Variants in TUBGCP6 observed in about 807,000 individuals in gnomAD.
TUBGCP6 encodes the protein gamma-tubulin complex component 6.
In TUBGCP6, 161 loss-of-function variants were observed where a neutral mutation model predicts 175.8. That is an observed-to-expected ratio of 0.92 (90% confidence interval 0.81 to 1.04). TUBGCP6 has a LOEUF of 1.04. Among genes scored for constraint, TUBGCP6 ranks in the 50% least tolerant of loss-of-function variants. TUBGCP6 has a pLI of 0.00. For synonymous variants in TUBGCP6, 1,173 were observed against 1,030.5 expected, an observed-to-expected ratio of 1.14 and a Z score of -2.65; for missense variants, 2,572 against 2,433.0, an observed-to-expected ratio of 1.06 and a Z score of -1.20.
rs1291888721 is a variant in TUBGCP6, at chr22:50,219,352, G to A, written c.4420C>T (p.Leu1474=). 1 of 1,592,830 alleles carries A rather than the reference G, an allele frequency of 6.3e-7. No individual in the cohort carries two copies. The highest frequency in any genetic ancestry group is 1.3e-5 in the African/African-American group (1 of 74,942). ...QSAADETAVQ[L]SELLTLPVLM... is the part of the protein sequence containing the mutation. ...ACGGGCAGCGTCAGCAACTCGCTCA[G>A]CTGCACAGCAGTCTCATCAGCGGCA... The change falls in exon 19 of 25, where the codon CTG becomes TTG. Residue 1474 remains leucine (L), a synonymous_variant. Coordinates refer to ENST00000248846, the MANE Select transcript of TUBGCP6 (RefSeq NM_020461.4).
chr22:50,244,354 T>TCC lies in TUBGCP6; in HGVS notation c.104_105dup (p.Ser36GlyfsTer43), dbSNP rs2064890735. The TCC allele has an allele frequency of 6.2e-7, 1 of 1,613,380 alleles. No individual in the cohort carries two copies. The highest frequency in any genetic ancestry group is 1.7e-5 in the Admixed American group (1 of 60,014). On this transcript the variant is annotated frameshift_variant, in exon 1 of 25. Transcript: ENST00000248846. LOFTEE classifies it high-confidence loss of function. ...GCATTGTAGGCCACCTTCTTGAGGC[T>TCC]CCGCTTTGCCCTCTTCCGGTTCACA...
At chr22:50,232,925 C>T (rs2064712381) in intron 3 of TUBGCP6, among the ~76,000 whole-genome samples, 2 of 152,198 alleles carry the variant, frequency 1.3e-5, no homozygotes, top group Non-Finnish European at 2.9e-5. Context: ...CGGATGACAC[C>T]GCATCCAGTG....
rs1485811676 is a variant in TUBGCP6 at position 50,218,494 on chromosome 22, G to T, written c.4948C>A (p.Arg1650Ser). The change falls in exon 22 of 25, where the codon CGC (arginine) becomes AGC (serine). Residue 1650 changes from arginine (R) to serine (S), a missense_variant. Coordinates refer to ENST00000248846, the MANE Select transcript of TUBGCP6 (RefSeq NM_020461.4). ...ALKDVCFHLK[R>S]TALLSHMAGS... ...GGCTCCAGCGGGGCCTCACCTGTGC[G>T]CTTGAGGTGGAAGCAGACGTCCTTG... is the stretch of plus-strand genomic sequence containing the variant. 2.5e-6 allele frequency: 4 copies of T among 1,613,570 alleles called. No individual in the cohort carries two copies. The highest frequency in any genetic ancestry group is 2.5e-6 in the Non-Finnish European group (3 of 1,179,966).
chr22:50,241,142 C>T (rs753301578), intron 1 of TUBGCP6, among the ~76,000 whole-genome samples: 2 of 152,142 alleles, frequency 1.3e-5, no homozygotes, highest in South Asian at 4.1e-4. Flanking sequence ...CTCTTTATTC[C>T]AAGATTATAA....
chr22:50,221,555 C>A lies in TUBGCP6; in HGVS notation c.2804G>T (p.Gly935Val). The part of the protein sequence containing the change: ...INLDLPPSAP[G>V]EAPAAASTQP... ...AGTGCTGGCTGCTGCGGGTGCCTCC[C>A]CAGGAGCTGAGGGGGGCAGGTCCAA... The change falls in exon 16 of 25, where the codon GGG becomes GTG. Residue 935 changes from glycine (G) to valine (V), a missense_variant. Coordinates refer to ENST00000248846, the MANE Select transcript of TUBGCP6 (RefSeq NM_020461.4). 6.3e-7 allele frequency: 1 copy of A among 1,587,938 alleles called. No homozygotes were observed. The highest frequency in any genetic ancestry group is 1.1e-5 in the South Asian group (1 of 88,868).
At position 50,217,830 on chromosome 22, in the gene TUBGCP6, G is replaced by A; in HGVS notation, c.5369-3C>T. 1.9e-6 allele frequency: 3 copies of A among 1,613,596 alleles called. No individual in the cohort carries two copies. Among genetic ancestry groups the A allele is most frequent in the Non-Finnish European group, 2.5e-6 (3 of 1,179,882 alleles). On this transcript the variant is annotated splice_region_variant and splice_polypyrimidine_tract_variant and intron_variant, in intron 24 of 24. Coordinates refer to ENST00000248846, the MANE Select transcript of TUBGCP6 (RefSeq NM_020461.4). ...GCGGTTCACCAGCTTGGTCACCACT[G>A]GGGACCAGCGAGCAGCTCAGGCTTT... is the stretch of plus-strand genomic sequence containing the variant.
intron 1 of TUBGCP6, among the ~76,000 whole-genome samples, chr22:50,241,302 G>A (rs551406707): frequency 9.2e-5 from 14 of 152,308 alleles, no homozygotes; most frequent in Middle Eastern, 6.8e-3. Context: ...TAGTCTAGTG[G>A]TAATGGCAGC....
At chr22:50,226,863 G>A in intron 6 of TUBGCP6, 21 bp from the exon 7 acceptor site, 2 of 1,566,434 alleles carry the variant, frequency 1.3e-6, no homozygotes, top group Non-Finnish European at 1.7e-6. Context: ...CAAAGGGGGT[G>A]GGGGGCAGCT....
chr22:50,220,066 G>A (rs771983248), intron 16 of TUBGCP6, 51 bp from the exon 17 acceptor site: 16 of 1,593,888 alleles, frequency 1.0e-5, no homozygotes, highest in Middle Eastern at 1.7e-4. Flanking sequence ...TGCCTGTGGC[G>A]GGTACAGAGC....
chr22:50,224,594 T>G lies in TUBGCP6; in HGVS notation c.1984-2A>C. ...TTTTGCAATTTCCATACGTAATTCC[T>G]GAGAAAGACAACTGGTAATCAAAGC... On this transcript the variant is annotated splice_acceptor_variant, in intron 10 of 24. Transcript: ENST00000248846. LOFTEE classifies it high-confidence loss of function. 4 of 1,613,654 alleles carry G rather than the reference T, an allele frequency of 2.5e-6. No individual in the cohort carries two copies. The highest frequency in any genetic ancestry group is 3.4e-6 in the Non-Finnish European group (4 of 1,179,942).
At chr22:50,234,790 T>C (rs879225487) in intron 2 of TUBGCP6, among the ~76,000 whole-genome samples, 424 of 48,786 alleles carry the variant, frequency 8.7e-3, no homozygotes, top group South Asian at 0.014. Context: ...AGCATCCACA[T>C]CCAGGTCCAC....
At chr22:50,226,260 C>G (rs1232835170) in intron 8 of TUBGCP6, 27 bp downstream of exon 8, 1 of 1,614,026 alleles carries the variant, frequency 6.2e-7, no homozygotes, top group East Asian at 2.2e-5. Context: ...GGCACGGACC[C>G]CTGCCCCGCA....
intron 1 of TUBGCP6, among the ~76,000 whole-genome samples, chr22:50,241,566 C>T (rs1314081341): frequency 6.6e-6 from 1 of 152,210 alleles, no homozygotes; most frequent in Non-Finnish European, 1.5e-5. Flanking sequence ...TTTCATGTTC[C>T]ATCCTGTACA....
chr22:50,226,517 G>A, intron 7 of TUBGCP6, 139 bp from the exon 8 acceptor site: 1 of 699,856 alleles, frequency 1.4e-6, no homozygotes, highest in South Asian at 1.7e-5. Flanking sequence ...GGAGTGGGGT[G>A]TGGCCATCCA....
rs1173598777 is a variant in TUBGCP6 at position 50,225,956 on chromosome 22, A to G, written c.1834-13T>C. ...AACAGAGGTAATGCTGCCAAAGGGGATGCAAGCACAGCCACCAGCACTCAG... is the reference window on the plus strand; with the variant it reads ...AACAGAGGTAATGCTGCCAAAGGGGGTGCAAGCACAGCCACCAGCACTCAG... On this transcript the variant is annotated splice_polypyrimidine_tract_variant and intron_variant, in intron 9 of 24. Coordinates refer to ENST00000248846, the MANE Select transcript of TUBGCP6 (RefSeq NM_020461.4). 6.2e-7 allele frequency: 1 copy of G among 1,613,218 alleles called. No individual in the cohort carries two copies. Among genetic ancestry groups the G allele is most frequent in the Non-Finnish European group, 8.5e-7 (1 of 1,179,602 alleles).
rs1356094501 is a variant in TUBGCP6, at chr22:50,227,955, C to T, written c.1364G>A (p.Ser455Asn). The change falls in exon 5 of 25, where the codon AGC (serine) becomes AAC (asparagine). Residue 455 changes from serine (S) to asparagine (N), a missense_variant. Transcript: ENST00000248846. Reference sequence around the variant, plus strand: ...GAAGAGAAAACCAATGGTGAGGAGGCTCAGGGTGGGCGGAGTGGAAAGGAC... The same window carrying T: ...GAAGAGAAAACCAATGGTGAGGAGGTTCAGGGTGGGCGGAGTGGAAAGGAC... ...ACVLSTPPTL[S>N]LLTIGFLFKK... 6 of 1,572,916 alleles carry T rather than the reference C, an allele frequency of 3.8e-6. No homozygotes were observed. The Admixed American group carries it at 9.5e-5, about 25-fold the overall frequency.
Position 50,231,722 on chromosome 22 carries a change from G to A in TUBGCP6, c.1116+1594C>T, listed in dbSNP as rs192839591. Among the ~76,000 whole-genome samples, 439 of 151,778 alleles carry A rather than the reference G, an allele frequency of 2.9e-3. 5 individuals are homozygous for A. The East Asian group carries it at 0.046, about 16-fold the overall frequency. ...AAAATACAAAAAATTAGACGGGCGCGGTGGCGGGTGCCTGTAGTCCCAGCT... is the reference window on the plus strand; with the variant it reads ...AAAATACAAAAAATTAGACGGGCGCAGTGGCGGGTGCCTGTAGTCCCAGCT... On this transcript the variant is annotated intron_variant, in intron 3 of 24. Coordinates refer to ENST00000248846, the MANE Select transcript of TUBGCP6 (RefSeq NM_020461.4).
Position 50,226,164 on chromosome 22 carries a change from G to A in TUBGCP6, c.1719C>T (p.Tyr573=), listed in dbSNP as rs201299983. The A allele has an allele frequency of 4.4e-5, 71 of 1,614,178 alleles. No individual in the cohort carries two copies. The highest frequency in any genetic ancestry group is 9.3e-5 in the African/African-American group (7 of 75,056). ...CCTCCACCTCTTTGGAGATGAGCAC[G>A]TAGCCATGTGTCCAGTACAACTTAT... is the stretch of plus-strand genomic sequence containing the variant. The part of the protein sequence containing the change: ...FRDKLYWTHG[Y]VLISKEVEDC... Residue 573 remains tyrosine, a synonymous_variant, in exon 9 of 25, where the codon TAC becomes TAT. Coordinates refer to ENST00000248846, the MANE Select transcript of TUBGCP6 (RefSeq NM_020461.4).
chr22:50,218,153 G>A (rs375139139), intron 23 of TUBGCP6, 36 bp from the exon 24 acceptor site: 38 of 1,609,958 alleles, frequency 2.4e-5, no homozygotes, highest in Middle Eastern at 1.6e-4. Flanking sequence ...GGGCTGAGCC[G>A]TGACCACAGG....
Sources: allele counts gnomAD v4.1 joint callset (sites outside exome capture counted in the v4.1 genomes callset), GRCh38; gene constraint gnomAD v4.1.1; transcripts MANE v1.5; gene names NCBI Gene and HGNC (gene_info 2026-07-23, HGNC 2026-07-21).